Variants in HDAC4 observed in about 807,000 individuals in gnomAD.
HDAC4 encodes histone deacetylase 4.
HDAC4 carries 16 observed loss-of-function variants against 135.1 expected under a neutral mutation model. The ratio of observed to expected loss-of-function variants is 0.12; its 90% CI spans 0.08 to 0.18. The LOEUF is 0.18. HDAC4 is among the 10% of genes least tolerant of loss of function. HDAC4 has a pLI of 1.00. For synonymous variants in HDAC4, 685 were observed against 653.4 expected, an observed-to-expected ratio of 1.05 and a Z score of -0.74; for missense variants, 1,143 against 1,511.8, an observed-to-expected ratio of 0.76 and a Z score of 4.05.
At chr2:239,224,780 C>T (rs572816941) in intron 3 of HDAC4, among the ~76,000 whole-genome samples, 10 of 152,288 alleles carry the variant, frequency 6.6e-5, no homozygotes, top group Admixed American at 4.6e-4. Context: ...ATGAGTTGAA[C>T]GCAGAAATCC....
chr2:239,117,555 C>T (rs1359526043), intron 12 of HDAC4, among the ~76,000 whole-genome samples: 2 of 71,820 alleles, frequency 2.8e-5, no homozygotes, highest in South Asian at 1.2e-3. Flanking sequence ...GAGAGGGATG[C>T]GGGAAGTGGC....
intron 2 of HDAC4, among the ~76,000 whole-genome samples, chr2:239,270,391 C>G (rs1005302011): frequency 6.6e-6 from 1 of 152,134 alleles, no homozygotes; most frequent in Non-Finnish European, 1.5e-5. Context: ...AAGAGCAGAG[C>G]TGGCAACATG....
intron 12 of HDAC4, among the ~76,000 whole-genome samples, chr2:239,120,509 A>G (rs2152829212): frequency 6.6e-6 from 1 of 151,688 alleles, no homozygotes; most frequent in South Asian, 2.1e-4. Flanking sequence ...AGGCACAGGC[A>G]CACAGAGACA....
At chr2:239,391,198 A>G (rs920425284) in intron 1 of HDAC4, among the ~76,000 whole-genome samples, 2 of 152,198 alleles carry the variant, frequency 1.3e-5, no homozygotes, top group Non-Finnish European at 2.9e-5. Flanking sequence ...GGTCCCTAAC[A>G]AGCGCAGCAT....
At chr2:239,094,659 C>T in intron 17 of HDAC4, 1 of 1,181,282 alleles carries the variant, frequency 8.5e-7, no homozygotes, top group Non-Finnish European at 1.1e-6. Flanking sequence ...CAGAAGCACG[C>T]ATCCTACCCG....
chr2:239,190,612 C>T (rs1371537781), intron 3 of HDAC4, among the ~76,000 whole-genome samples: 3 of 152,198 alleles, frequency 2.0e-5, no homozygotes, highest in South Asian at 2.1e-4. Flanking sequence ...GCTCGAGACC[C>T]GGAGCCCGTT....
intron 15 of HDAC4, among the ~76,000 whole-genome samples, chr2:239,106,763 C>A (rs896827498): frequency 6.6e-6 from 1 of 152,162 alleles, no homozygotes; most frequent in Non-Finnish European, 1.5e-5. Flanking sequence ...ACCTGCAGGG[C>A]GGGACCCTGC....
intron 4 of HDAC4, among the ~76,000 whole-genome samples, chr2:239,178,467 C>T (rs577772066): frequency 3.9e-5 from 6 of 152,212 alleles, no homozygotes; most frequent in East Asian, 1.9e-4. Flanking sequence ...AGGCTGGTCT[C>T]GAACTCCTGG....
At chr2:239,206,553 A>C (rs1168993012) in intron 3 of HDAC4, among the ~76,000 whole-genome samples, 2 of 152,144 alleles carry the variant, frequency 1.3e-5, no homozygotes, top group Admixed American at 1.3e-4. Context: ...CAACAAAGGA[A>C]CATTTTAAAT....
intron 1 of HDAC4, among the ~76,000 whole-genome samples, chr2:239,373,881 A>G (rs548435470): frequency 2.0e-5 from 3 of 152,312 alleles, no homozygotes; most frequent in South Asian, 2.1e-4. Context: ...TGATGCCCCA[A>G]TTGTCTTTGG....
intron 5 of HDAC4, 100 bp from the exon 6 acceptor site, chr2:239,164,023 G>A (rs1254497201): frequency 2.4e-5 from 35 of 1,447,504 alleles, no homozygotes; most frequent in African/African-American, 5.6e-5. Flanking sequence ...GGCTGGGGAC[G>A]GCTATGCACC....
intron 2 of HDAC4, among the ~76,000 whole-genome samples, chr2:239,304,078 C>T (rs987241245): frequency 4.5e-4 from 69 of 152,328 alleles, no homozygotes; most frequent in Non-Finnish European, 2.8e-4. Flanking sequence ...CCCAGCTCCC[C>T]GACCCGTAAG....
rs776060110 is a variant in HDAC4 at position 239,115,167 on chromosome 2, G to T, written c.1677C>A (p.Ala559=). Residue 559 remains alanine (A), a synonymous_variant, in exon 13 of 27, where the codon GCC becomes GCA. Transcript: ENST00000543185. The surrounding 1 kb of genome is among the most constrained non-coding windows in gnomAD (Gnocchi z 6.3). ...TGGGCTCCTGCTTCACCTGCACGCC[G>T]GCCTGTGCGTGCGCCTCCTTCTGCC... is the stretch of plus-strand genomic sequence containing the variant. ...LPGQKEAHAQ[A]GVQVKQEPIE... 3.7e-6 allele frequency: 6 copies of T among 1,611,062 alleles called. No individual in the cohort carries two copies. Among genetic ancestry groups the T allele is most frequent in the African/African-American group, 1.3e-5 (1 of 74,902 alleles).
chr2:239,263,552 G>A (rs771289053), intron 2 of HDAC4, among the ~76,000 whole-genome samples: 8 of 152,324 alleles, frequency 5.3e-5, no homozygotes, highest in Non-Finnish European at 7.4e-5. Flanking sequence ...AGGCCCGCAC[G>A]GAGCTGCTGT....
Position 239,082,161 on chromosome 2 carries a change from T to A in HDAC4, c.2593A>T (p.Met865Leu), listed in dbSNP as rs200846427. ...CCATCGTCGTAGCGGTGGAGGGACA[T>A]GTACAGGACGCTGGGGTCGCTGTAG... The part of the protein sequence containing the change: ...AFYSDPSVLY[M>L]SLHRYDDGNF... Residue 865 changes from methionine (M) to leucine (L), a missense_variant, in exon 21 of 27, where the codon ATG becomes TTG. Transcript: ENST00000543185. 4 of 1,614,024 alleles carry A rather than the reference T, an allele frequency of 2.5e-6. No homozygotes were observed. The highest frequency in any genetic ancestry group is 3.4e-6 in the Non-Finnish European group (4 of 1,179,984).
intron 16 of HDAC4, among the ~76,000 whole-genome samples, chr2:239,101,234 C>T (rs1025115090): frequency 3.9e-5 from 6 of 152,178 alleles, no homozygotes; most frequent in African/African-American, 9.7e-5. Context: ...GGGGGGACTC[C>T]GGAAGCAGCG....
At chr2:239,283,609 G>A (rs1000472210) in intron 2 of HDAC4, among the ~76,000 whole-genome samples, 3 of 152,260 alleles carry the variant, frequency 2.0e-5, no homozygotes, top group Non-Finnish European at 4.4e-5. Flanking sequence ...GGAAGGCAGA[G>A]TTGTAAGCAC....
chr2:239,140,358 T>C (rs962621232), intron 8 of HDAC4, among the ~76,000 whole-genome samples: 3 of 152,124 alleles, frequency 2.0e-5, no homozygotes, highest in African/African-American at 7.2e-5. Flanking sequence ...TAACCATCGG[T>C]GCGGCTTGAC....
intron 4 of HDAC4, among the ~76,000 whole-genome samples, chr2:239,187,893 A>G (rs2044660235): frequency 6.6e-6 from 1 of 152,196 alleles, no homozygotes; most frequent in African/African-American, 2.4e-5. Flanking sequence ...CTGAAGGCAA[A>G]AACGATAAAG....
Sources: allele counts gnomAD v4.1 joint callset (sites outside exome capture counted in the v4.1 genomes callset), GRCh38; gene constraint gnomAD v4.1.1; non-coding constraint Gnocchi (gnomAD v3.1); transcripts MANE v1.5; gene names NCBI Gene and HGNC (gene_info 2026-07-23, HGNC 2026-07-21).